Variants in TM9SF2 observed in about 807,000 individuals in gnomAD.
TM9SF2 encodes the protein 76 kDa membrane protein.
A neutral mutation model predicts 84.9 loss-of-function variants in TM9SF2; 13 were observed. That is an observed-to-expected ratio of 0.15 (90% confidence interval 0.10 to 0.24). The LOEUF (loss-of-function observed/expected upper bound fraction) is 0.24, where lower values mean the gene tolerates loss of function less well. TM9SF2 is among the 10% of genes least tolerant of loss of function. TM9SF2 has a pLI of 1.00. For synonymous variants in TM9SF2, 273 were observed against 285.8 expected, an observed-to-expected ratio of 0.96 and a Z score of 0.45; for missense variants, 562 against 818.5, an observed-to-expected ratio of 0.69 and a Z score of 3.82.
chr13:99,548,673 C>T (rs1206267041), intron 11 of TM9SF2, among the ~76,000 whole-genome samples: 1 of 152,148 alleles, frequency 6.6e-6, no homozygotes, highest in African/African-American at 2.4e-5. Context: ...TCTTAGTTGC[C>T]TCATCTGACA....
In TM9SF2 at chr13:99,560,266, C is replaced by G. The variant is rs866391586; in HGVS notation, c.1924+732C>G. On this transcript the variant is annotated intron_variant, in intron 16 of 16. Transcript: ENST00000376387. ...TGCAGGAGCCAAAAAGAAAAAAGAA[C>G]AAGTTTTTTTCCTCCAATTAAAACT... Among the ~76,000 whole-genome samples the G allele has an allele frequency of 3.3e-5, 5 of 152,274 alleles. No homozygotes were observed. In the South Asian group the frequency reaches 1.0e-3, roughly 32 times the overall value.
rs766233660 is a variant in TM9SF2 at position 99,520,054 on chromosome 13, A to G, written c.258A>G (p.Ala86=). The change falls in exon 3 of 17, where the codon GCA becomes GCG. Residue 86 remains alanine (A), a synonymous_variant. Coordinates refer to ENST00000376387, the MANE Select transcript of TM9SF2 (RefSeq NM_004800.3). ...CTCCCAGGTTTGATTTTTGCCAAGC[A>G]TCAGAAGGAAAGCGCCCATCTGAAA... is the stretch of plus-strand genomic sequence containing the variant. ...YEYTAFDFCQ[A]SEGKRPSENL... 1 of 1,613,454 alleles carries G rather than the reference A, an allele frequency of 6.2e-7. No homozygotes were observed. Among genetic ancestry groups the G allele is most frequent in the Non-Finnish European group, 8.5e-7 (1 of 1,179,816 alleles).
rs749842630 is a variant in TM9SF2 at position 99,529,551 on chromosome 13, G to C, written c.418G>C (p.Glu140Gln). The C allele has an allele frequency of 7.6e-6, 12 of 1,586,768 alleles. No individual in the cohort carries two copies. The East Asian group carries it at 2.8e-4, about 37-fold the overall frequency. Residue 140 changes from glutamate (E) to glutamine (Q), a missense_variant, in exon 4 of 17, where the codon GAA becomes CAA. Physicochemically the swap from Glu to Gln is conservative, Grantham distance 29. Around this residue, in one of 4 missense-constraint regions of TM9SF2, gnomAD observed 267 missense variants for 316.7 expected, o/e 0.84. Transcript: ENST00000376387. ...TEKAEDKQKL[E>Q]FLKKSMLLNY... ...GAAAGCTGAAGACAAACAAAAGTTA[G>C]AATTCTTGAAAAAAAGCATGTTATT...
At chr13:99,503,193 G>A (rs998898918) in intron 1 of TM9SF2, among the ~76,000 whole-genome samples, 5 of 152,132 alleles carry the variant, frequency 3.3e-5, no homozygotes, top group Admixed American at 3.3e-4. Context: ...AACCTTTAAG[G>A]CCTAGTGTTT....
rs1332753345 is a variant in TM9SF2 at position 99,541,649 on chromosome 13, T to C, written c.999T>C (p.Tyr333=). Residue 333 remains tyrosine (Y), a synonymous_variant, in exon 9 of 17, where the codon TAT becomes TAC. Transcript: ENST00000376387. ...LRTLHKDIAR[Y]NQMDSTEDAQ... The stretch of plus-strand genomic sequence containing the variant: ...CACTGCACAAAGATATTGCTAGATA[T>C]AATCAGATGGACTCTACGGTAAGTG... 37 of 1,610,718 alleles carry C rather than the reference T, an allele frequency of 2.3e-5. No homozygotes were observed. The highest frequency in any genetic ancestry group is 2.8e-5 in the Non-Finnish European group (33 of 1,177,364).
At chr13:99,520,619 A>C (rs1044772045) in intron 3 of TM9SF2, among the ~76,000 whole-genome samples, 2 of 152,002 alleles carry the variant, frequency 1.3e-5, no homozygotes, top group Non-Finnish European at 2.9e-5. Context: ...CCCAGGCTGC[A>C]GTGTAGTGGT....
chr13:99,549,905 G>A (rs2046298633), intron 12 of TM9SF2, among the ~76,000 whole-genome samples: 1 of 152,210 alleles, frequency 6.6e-6, no homozygotes, highest in Non-Finnish European at 1.5e-5. Context: ...GATGGCAGCA[G>A]CATTTTAATA....
intron 2 of TM9SF2, among the ~76,000 whole-genome samples, chr13:99,518,449 T>G (rs2046144290): frequency 1.3e-5 from 2 of 152,208 alleles, no homozygotes; most frequent in African/African-American, 4.8e-5. Flanking sequence ...TTTTTCTCAT[T>G]GAATACATTG....
At chr13:99,523,763 T>TG (rs2046170341) in intron 3 of TM9SF2, among the ~76,000 whole-genome samples, 1 of 152,108 alleles carries the variant, frequency 6.6e-6, no homozygotes, top group Non-Finnish European at 1.5e-5. Context: ...TTTATGCTGA[T>TG]GGGGAAAAGG....
rs2046235021 is a variant in TM9SF2 at position 99,536,463 on chromosome 13, A to G, written c.462-145A>G. ...ATTGTTATTGCTTATGAAATAGCAC[A>G]TTTCATTAACATTCTTTGTGGTTTT... is the stretch of plus-strand genomic sequence containing the variant. On this transcript the variant is annotated intron_variant, in intron 4 of 16. Transcript: ENST00000376387. 4 of 1,000,142 alleles carry G rather than the reference A, an allele frequency of 4.0e-6. No homozygotes were observed. The South Asian group carries it at 6.6e-5, about 16-fold the overall frequency. 62.0% of individuals were successfully genotyped at this position (1,000,142 alleles called of 1,614,324 possible). A position where few individuals can be genotyped will look rare whatever the true frequency, so the allele number is the denominator to read the frequency against.
intron 4 of TM9SF2, among the ~76,000 whole-genome samples, chr13:99,535,995 A>G: frequency 6.6e-6 from 1 of 152,140 alleles, no homozygotes; most frequent in East Asian, 1.9e-4. Flanking sequence ...TTTTTTGTAT[A>G]GCTTTCACTT....
rs2139099529 is a variant in TM9SF2 at position 99,542,192 on chromosome 13, G to A, written c.1017+525G>A. On this transcript the variant is annotated intron_variant, in intron 9 of 16. Coordinates refer to ENST00000376387, the MANE Select transcript of TM9SF2 (RefSeq NM_004800.3). ...ATAGAAATGGAGTCAGCACAGCCTT[G>A]GGAGCTGACCTGTTCACAGCCTCCT... Among the ~76,000 whole-genome samples the A allele has an allele frequency of 1.3e-5, 2 of 151,776 alleles. 1 individual carries two copies. The highest frequency in any genetic ancestry group is 3.9e-4 in the East Asian group (2 of 5,164).
rs990603365 is a variant in TM9SF2, at chr13:99,562,799, C to G, written c.*41C>G. The stretch of plus-strand genomic sequence containing the variant: ...CCAGTTAAAACAGAAATAAATTAAA[C>G]TCTTCATCAACAAAGACCTGTTTTT... On this transcript the variant is annotated 3_prime_UTR_variant, in exon 17 of 17. Transcript: ENST00000376387. 12 of 1,588,700 alleles carry G rather than the reference C, an allele frequency of 7.6e-6. No homozygotes were observed. Among genetic ancestry groups the G allele is most frequent in the Admixed American group, 1.7e-5 (1 of 57,474 alleles).
Position 99,529,525 on chromosome 13 carries a change from A to G in TM9SF2, c.392A>G (p.Glu131Gly), listed in dbSNP as rs1452641338. Reference protein sequence around the residue: ...KLVCTKTYHTEKAEDKQKLEF... With the variant: ...KLVCTKTYHTGKAEDKQKLEF... ...GTTTGTACAAAAACATACCATACAG[A>G]GAAAGCTGAAGACAAACAAAAGTTA... Residue 131 changes from glutamate (E) to glycine (G), a missense_variant, in exon 4 of 17, where the codon GAG becomes GGG. This residue lies in a region of TM9SF2 where 267 missense variants were observed against 316.7 expected (regional missense o/e 0.84). Coordinates refer to ENST00000376387, the MANE Select transcript of TM9SF2 (RefSeq NM_004800.3). The G allele has an allele frequency of 1.3e-6, 2 of 1,596,410 alleles. No individual in the cohort carries two copies.
chr13:99,537,062 A>G (rs2046237581), intron 5 of TM9SF2, among the ~76,000 whole-genome samples: 2 of 152,210 alleles, frequency 1.3e-5, no homozygotes, highest in South Asian at 4.1e-4. Context: ...AAAAGGCTTC[A>G]TTATAAGTTA....
intron 9 of TM9SF2, among the ~76,000 whole-genome samples, chr13:99,542,514 AT>A (rs2046264728): frequency 6.6e-6 from 1 of 152,166 alleles, no homozygotes; most frequent in Non-Finnish European, 1.5e-5. Flanking sequence ...TAATAAAAGA[AT>A]TTTCACAAGA....
intron 11 of TM9SF2, among the ~76,000 whole-genome samples, chr13:99,547,561 C>CT (rs1201460967): frequency 6.6e-6 from 1 of 152,182 alleles, no homozygotes; most frequent in East Asian, 1.9e-4. Context: ...TAAAAATACA[C>CT]TGTTTCAAGT....
intron 4 of TM9SF2, among the ~76,000 whole-genome samples, chr13:99,530,497 T>TA (rs1405030010): frequency 1.3e-5 from 2 of 152,204 alleles, no homozygotes; most frequent in Non-Finnish European, 2.9e-5. Flanking sequence ...CTTCAATTTC[T>TA]AAAAAACACC....
rs370181033 is a variant in TM9SF2 at position 99,554,368 on chromosome 13, C to T, written c.1553C>T (p.Thr518Met). 40 of 1,614,066 alleles carry T rather than the reference C, an allele frequency of 2.5e-5. No homozygotes were observed. Among genetic ancestry groups the T allele is most frequent in the Non-Finnish European group, 2.8e-5 (33 of 1,180,022 alleles). The change falls in exon 14 of 17, where the codon ACG becomes ATG. Residue 518 changes from threonine to methionine, a missense_variant. Transcript: ENST00000376387. ...CAGATTCCTGAACAGTCGTTCTACA[C>T]GAAGCCCTTGCCTGGTATTATCATG... ...PRQIPEQSFY[T>M]KPLPGIIMGG...
Sources: allele counts gnomAD v4.1 joint callset (sites outside exome capture counted in the v4.1 genomes callset), GRCh38; gene constraint gnomAD v4.1.1; regional missense constraint gnomAD v4.1.1; transcripts MANE v1.5; gene names NCBI Gene and HGNC (gene_info 2026-07-23, HGNC 2026-07-21).